The following NR4A1 variants were observed in gnomAD, a reference collection of about 807,000 sequenced individuals.
NR4A1 encodes the protein nuclear receptor subfamily 4 group A member 1.
A neutral mutation model predicts 47.5 loss-of-function variants in NR4A1; 24 were observed. That is an observed-to-expected ratio of 0.50 (90% confidence interval 0.37 to 0.71). The LOEUF (loss-of-function observed/expected upper bound fraction) is 0.71, where lower values mean the gene tolerates loss of function less well. Among genes scored for constraint, NR4A1 ranks in the 30% least tolerant of loss-of-function variants. NR4A1 has a pLI of 0.00. For missense variants in NR4A1, 669 were observed against 788.6 expected (o/e 0.85, Z 1.82); for synonymous variants, 353 against 345.7 (o/e 1.02, Z -0.24).
chr12:52,055,174 C>T lies in NR4A1; in HGVS notation c.846C>T (p.Arg282=), dbSNP rs146773096. ...CTTCATGCCAGCATTATGGTGTCCGCACATGTGAGGGCTGCAAGGGCTTCT... is the reference window on the plus strand; with the variant it reads ...CTTCATGCCAGCATTATGGTGTCCGTACATGTGAGGGCTGCAAGGGCTTCT... ...DNASCQHYGV[R]TCEGCKGFFK... Residue 282 remains arginine (R), a synonymous_variant, in exon 2 of 7, where the codon CGC becomes CGT. Transcript: ENST00000394825. 1,174 of 1,613,654 alleles carry T rather than the reference C, an allele frequency of 7.3e-4. No individual in the cohort carries two copies. The highest frequency in any genetic ancestry group is 9.2e-4 in the Non-Finnish European group (1,080 of 1,180,032).
rs79801282 is a variant in NR4A1 at position 52,035,103 on chromosome 12, A to G, written c.-83-6707A>G. 5.2e-3 allele frequency among the ~76,000 whole-genome samples: 785 copies of G among 152,248 alleles called. 9 individuals carry two copies. The highest frequency in any genetic ancestry group is 0.018 in the African/African-American group (735 of 41,532). ...AGACTCCTAGGGCAGAGCAGGGAGG[A>G]GAACTAACTCTGAGTGCCTGCTGTG... On this transcript the variant is annotated intron_variant, in intron 1 of 7. Transcript: ENST00000360284.
chr12:52,034,317 C>T (rs1938192612), intron 1 of NR4A1, among the ~76,000 whole-genome samples: 1 of 152,210 alleles, frequency 6.6e-6, no homozygotes, highest in Non-Finnish European at 1.5e-5. Flanking sequence ...GATGTCCTGG[C>T]AATGTTTCCA....
chr12:52,049,479 A>G (rs1302407655), upstream of NR4A1, among the ~76,000 whole-genome samples: 1 of 152,188 alleles, frequency 6.6e-6, no homozygotes, highest in Admixed American at 6.5e-5. Flanking sequence ...CCAGTGAGGC[A>G]TGGGCTGTGG....
rs375122365 is a variant in NR4A1, at chr12:52,056,097, G to A, written c.944G>A (p.Arg315Gln). The A allele has an allele frequency of 2.5e-6, 4 of 1,611,850 alleles. No individual in the cohort carries two copies. The highest frequency in any genetic ancestry group is 1.3e-5 in the African/African-American group (1 of 74,772). ...ANKDCPVDKR[R>Q]RNRCQFCRFQ... ...AAGGACTGCCCTGTGGACAAGAGGCGGCGAAACCGCTGCCAGTTCTGCCGC... is the reference window on the plus strand; with the variant it reads ...AAGGACTGCCCTGTGGACAAGAGGCAGCGAAACCGCTGCCAGTTCTGCCGC... Residue 315 changes from arginine (R) to glutamine (Q), a missense_variant, in exon 3 of 7, where the codon CGG becomes CAG. Arg to Gln is a conservative substitution (Grantham distance 43). Transcript: ENST00000394825.
intron 2 of NR4A1, 69 bp downstream of exon 2, chr12:52,055,273 C>G (rs766594941): frequency 1.3e-5 from 20 of 1,580,828 alleles, no homozygotes; most frequent in Admixed American, 1.7e-5. Context: ...CCATTGGGAC[C>G]TGTGGTCTCC....
At chr12:52,028,871 C>A (rs141667298) in intron 1 of NR4A1, among the ~76,000 whole-genome samples, 2,018 of 152,204 alleles carry the variant, frequency 0.013, 38 homozygotes, top group African/African-American at 0.045. Flanking sequence ...CCACTGCACT[C>A]CAGCCTGGGT....
chr12:52,041,894 T>A, exon 2 of NR4A1: 1 of 1,525,050 alleles, frequency 6.6e-7, no homozygotes, highest in Non-Finnish European at 8.8e-7. Flanking sequence ...GACGGGATAA[T>A]GTGGTTGGCC....
At chr12:52,039,299 G>C (rs1032994366) in intron 1 of NR4A1, among the ~76,000 whole-genome samples, 3 of 152,200 alleles carry the variant, frequency 2.0e-5, no homozygotes, top group African/African-American at 7.2e-5. Flanking sequence ...TGCAGAGCTT[G>C]TACTCAGGAG....
chr12:52,037,409 G>T (rs1826098880), intron 1 of NR4A1: 1 of 985,678 alleles, frequency 1.0e-6, no homozygotes, highest in Non-Finnish European at 1.2e-6. Context: ...CCCGGAAAGC[G>T]GGGGTGGAGA....
chr12:52,035,002 G>A (rs1165424418), intron 1 of NR4A1, among the ~76,000 whole-genome samples: 4 of 152,194 alleles, frequency 2.6e-5, no homozygotes, highest in African/African-American at 9.7e-5. Context: ...GGAAACTGAA[G>A]CCCAGAGAGG....
At chr12:52,031,055 G>A (rs1055788832) in intron 1 of NR4A1, among the ~76,000 whole-genome samples, 6 of 151,900 alleles carry the variant, frequency 3.9e-5, no homozygotes, top group South Asian at 2.1e-4. Flanking sequence ...TCACTCTGTC[G>A]CCCAGGCTGG....
intron 1 of NR4A1, among the ~76,000 whole-genome samples, chr12:52,033,216 C>A (rs1435661344): frequency 6.6e-6 from 1 of 152,122 alleles, no homozygotes; most frequent in African/African-American, 2.4e-5. Context: ...AGCTGGGGCT[C>A]GGCCCTGTTC....
chr12:52,033,867 C>T (rs113400774), intron 1 of NR4A1, among the ~76,000 whole-genome samples: 5 of 152,358 alleles, frequency 3.3e-5, no homozygotes, highest in African/African-American at 1.2e-4. Context: ...TTATTCAGGG[C>T]CAGGGCCTGA....
chr12:52,028,900 T>G (rs1938058275), intron 1 of NR4A1, among the ~76,000 whole-genome samples: 1 of 151,976 alleles, frequency 6.6e-6, no homozygotes, highest in Non-Finnish European at 1.5e-5. Context: ...GAGACTCCAT[T>G]TTAAAAAACA....
Position 52,024,808 on chromosome 12 carries a change from G to T in NR4A1, c.-84+1869G>T, listed in dbSNP as rs1449583091. ...ACCTGGATTTAGGTTCTTGCTCTGT[G>T]ACTTTATATTTCCACCCTTGAGCAA... On this transcript the variant is annotated intron_variant, in intron 1 of 7. Coordinates refer to the NR4A1 transcript ENST00000360284. 2.0e-5 allele frequency among the ~76,000 whole-genome samples: 3 copies of T among 152,226 alleles called. No homozygotes were observed. The East Asian group carries it at 5.8e-4, about 29-fold the overall frequency.
At chr12:52,023,118 C>T (rs917245441) in intron 1 of NR4A1, among the ~76,000 whole-genome samples, 3 of 152,252 alleles carry the variant, frequency 2.0e-5, no homozygotes, top group African/African-American at 7.2e-5. Flanking sequence ...GGGTTCCCGT[C>T]TAGACCAGAG....
In NR4A1 at chr12:52,042,936, A is replaced by G. The variant is rs1938493047; in HGVS notation, c.37+1007A>G. ...GGCCTTGAGAAATCCCGGATGAAGC[A>G]CGCACTGGCTCAGTATCTCCCTCAG... is the stretch of plus-strand genomic sequence containing the variant. On this transcript the variant is annotated intron_variant, in intron 2 of 7. Coordinates refer to the NR4A1 transcript ENST00000360284. Among the ~76,000 whole-genome samples the G allele has an allele frequency of 2.0e-5, 3 of 152,204 alleles. No individual in the cohort carries two copies. In the South Asian group the frequency reaches 6.2e-4, roughly 31 times the overall value.
intron 1 of NR4A1, among the ~76,000 whole-genome samples, chr12:52,033,738 T>A: frequency 6.6e-6 from 1 of 152,198 alleles, no homozygotes; most frequent in Non-Finnish European, 1.5e-5. Context: ...TCTCTATTTT[T>A]TCGGCCCTTA....
chr12:52,045,278 T>A (rs771691093), intron 2 of NR4A1, among the ~76,000 whole-genome samples: 2 of 152,198 alleles, frequency 1.3e-5, no homozygotes, highest in Non-Finnish European at 1.5e-5. Context: ...CCTGCCACCC[T>A]CCCTGCCAGC....
Sources: gnomAD v4.1 joint callset for allele counts (sites outside exome capture counted in the v4.1 genomes callset) on GRCh38, gnomAD v4.1.1 for gene constraint, MANE v1.5 for transcripts, NCBI Gene and HGNC (gene_info 2026-07-23, HGNC 2026-07-21) for gene names.